The following MTA3 variants were observed in gnomAD, a reference collection of about 807,000 sequenced individuals.
The protein encoded by MTA3 is metastasis-associated protein MTA3.
In MTA3, 34 loss-of-function variants were observed where a neutral mutation model predicts 83.5. The observed-to-expected ratio is 0.41, with a 90% CI of 0.31 to 0.54. The LOEUF (loss-of-function observed/expected upper bound fraction) is 0.54, where lower values mean the gene tolerates loss of function less well. Ranked by LOEUF, MTA3 falls within the 20% of genes least tolerant of loss-of-function variation. MTA3 has a pLI of 0.33. For missense variants in MTA3, 761 were observed against 726.4 expected (o/e 1.05, Z -0.55); for synonymous variants, 303 against 252.7 (o/e 1.20, Z -1.89).
Position 42,664,466 on chromosome 2 carries a change from C to CTTTTTTTTTTTTTTT in MTA3, c.702+4618_702+4632dup, listed in dbSNP as rs35633597. Among the ~76,000 whole-genome samples the CTTTTTTTTTTTTTTT allele has an allele frequency of 6.6e-4, 57 of 85,758 alleles. 24 individuals carry two copies. Among genetic ancestry groups the CTTTTTTTTTTTTTTT allele is most frequent in the African/African-American group, 2.5e-3 (52 of 21,052 alleles). The allele number at this position is 85,758 out of a possible 152,430, so 56.3% of individuals were successfully genotyped here. A position where few individuals can be genotyped will look rare whatever the true frequency, so the allele number is the denominator to read the frequency against. On this transcript the variant is annotated intron_variant, in intron 8 of 16. Transcript: ENST00000405094. ...CCTACTACCCCCTCACCCCGCTTAC[C>CTTTTTTTTTTTTTTT]TTTTTTTTTTTTTTTTTTTTTTTTT...
chr2:42,612,709 A>G (rs1684376169), intron 4 of MTA3, among the ~76,000 whole-genome samples: 1 of 152,054 alleles, frequency 6.6e-6, no homozygotes, highest in Admixed American at 6.6e-5. Flanking sequence ...AAAAACACAA[A>G]AATTAGCTGA....
chr2:42,664,565 C>T (rs1229772542), intron 8 of MTA3, among the ~76,000 whole-genome samples: 1 of 138,586 alleles, frequency 7.2e-6, no homozygotes, highest in Non-Finnish European at 1.5e-5. Flanking sequence ...CCTCTGCTTC[C>T]TGGGTTCAAG....
chr2:42,644,027 T>C, intron 5 of MTA3, 100 bp from the exon 6 acceptor site: 1 of 648,232 alleles, frequency 1.5e-6, no homozygotes. Context: ...TTTTATATAC[T>C]CTCTGGGGTT....
At chr2:42,737,392 T>G (rs1668689015) in intron 16 of MTA3, among the ~76,000 whole-genome samples, 1 of 152,194 alleles carries the variant, frequency 6.6e-6, no homozygotes, top group Non-Finnish European at 1.5e-5. Context: ...CGTATTGCTT[T>G]CCACTGTGTC....
intron 16 of MTA3, among the ~76,000 whole-genome samples, chr2:42,734,039 T>G (rs933640423): frequency 6.6e-6 from 1 of 152,208 alleles, no homozygotes; most frequent in Non-Finnish European, 1.5e-5. Flanking sequence ...ATTTATTGGG[T>G]TTGTTTGGTC....
At chr2:42,688,038 G>C (rs1692547210) in intron 9 of MTA3, among the ~76,000 whole-genome samples, 1 of 152,204 alleles carries the variant, frequency 6.6e-6, no homozygotes, top group African/African-American at 2.4e-5. Flanking sequence ...TATTTTGCTA[G>C]TTTGAATGCA....
chr2:42,666,754 G>A (rs1690267994), intron 8 of MTA3, among the ~76,000 whole-genome samples: 1 of 152,142 alleles, frequency 6.6e-6, no homozygotes, highest in South Asian at 2.1e-4. Context: ...TACTGCATCT[G>A]TTTTTCCTCA....
At position 42,580,954 on chromosome 2, in the gene MTA3, T is replaced by C. The variant is rs192122858; in HGVS notation, c.190+1754T>C. On this transcript the variant is annotated intron_variant, in intron 3 of 16. Coordinates refer to ENST00000405094, the MANE Select transcript of MTA3 (RefSeq NM_001330442.2). ...CCCTGAAGCTTTTGAAATGTTCTGG[T>C]ATGGGTGTAAGGAAGGCTGCTGTTT... is the stretch of plus-strand genomic sequence containing the variant. Among the ~76,000 whole-genome samples, 21 of 152,222 alleles carry C rather than the reference T, an allele frequency of 1.4e-4. No individual in the cohort carries two copies. The East Asian group carries it at 4.1e-3, about 29-fold the overall frequency.
chr2:42,564,165 G>A (rs547827480), upstream of MTA3, among the ~76,000 whole-genome samples: 17 of 152,264 alleles, frequency 1.1e-4, no homozygotes, highest in Admixed American at 6.5e-4. Flanking sequence ...AAGAGAAATA[G>A]TAGGGTCAGT....
chr2:42,647,584 C>G (rs1558540447), intron 6 of MTA3, among the ~76,000 whole-genome samples: 1 of 132,840 alleles, frequency 7.5e-6, no homozygotes, highest in Admixed American at 8.7e-5. Context: ...TAACCAGAAA[C>G]AAGGAATGCC....
intron 8 of MTA3, among the ~76,000 whole-genome samples, chr2:42,668,604 T>C (rs889127544): frequency 6.6e-6 from 1 of 152,210 alleles, no homozygotes; most frequent in Non-Finnish European, 1.5e-5. Context: ...TTTGTCTTTT[T>C]CACCCATAAT....
chr2:42,709,840 A>G (rs1361002752), intron 14 of MTA3, among the ~76,000 whole-genome samples: 2 of 151,586 alleles, frequency 1.3e-5, no homozygotes, highest in Non-Finnish European at 2.9e-5. Flanking sequence ...ATGACTTACT[A>G]CTCTTATTTT....
At chr2:42,693,338 C>T (rs528138212) in intron 9 of MTA3, among the ~76,000 whole-genome samples, 1 of 152,308 alleles carries the variant, frequency 6.6e-6, no homozygotes, top group Admixed American at 6.5e-5. Context: ...GTGAGTTCCT[C>T]CAGGCCCTGG....
chr2:42,554,798 T>G (rs1464871403), intron 2 of MTA3, among the ~76,000 whole-genome samples: 1 of 152,204 alleles, frequency 6.6e-6, no homozygotes, highest in South Asian at 2.1e-4. Flanking sequence ...GTCAGCTTCC[T>G]GATTGGAACC....
At chr2:42,621,844 A>T (rs1685582713) in intron 4 of MTA3, among the ~76,000 whole-genome samples, 2 of 145,114 alleles carry the variant, frequency 1.4e-5, no homozygotes, top group South Asian at 4.4e-4. Context: ...GGCGCTCCCC[A>T]CATCTCAGAC....
chr2:42,521,108 A>G (rs1675409524), intron 2 of MTA3, among the ~76,000 whole-genome samples: 1 of 152,210 alleles, frequency 6.6e-6, no homozygotes, highest in African/African-American at 2.4e-5. Flanking sequence ...TCTAATGAAT[A>G]AAATACAGCA....
chr2:42,553,888 GAA>G (rs34426567), intron 2 of MTA3, among the ~76,000 whole-genome samples: 1 of 124,364 alleles, frequency 8.0e-6, no homozygotes, highest in South Asian at 2.4e-4. Flanking sequence ...AAAAAAAAAA[GAA>G]AAAAAAACGA....
At chr2:42,709,364 TC>T in intron 14 of MTA3, 1 of 1,208,400 alleles carries the variant, frequency 8.3e-7, no homozygotes, top group East Asian at 4.0e-5. Flanking sequence ...GTGATCCTAT[TC>T]CATGGGGTTT....
intron 9 of MTA3, among the ~76,000 whole-genome samples, chr2:42,685,251 C>G (rs1407325195): frequency 6.6e-6 from 1 of 152,118 alleles, no homozygotes; most frequent in East Asian, 1.9e-4. Context: ...TCTTTGTGGT[C>G]TAACAAAATT....
Sources: allele counts gnomAD v4.1 joint callset (sites outside exome capture counted in the v4.1 genomes callset), GRCh38; gene constraint gnomAD v4.1.1; transcripts MANE v1.5; gene names NCBI Gene and HGNC (gene_info 2026-07-23, HGNC 2026-07-21).